SULF2: variants seen among roughly 807,000 people sequenced by gnomAD.
The protein encoded by SULF2 is extracellular sulfatase Sulf-2.
A neutral mutation model predicts 107.7 loss-of-function variants in SULF2; 52 were observed. The ratio of observed to expected loss-of-function variants is 0.48; its 90% CI spans 0.39 to 0.61. The LOEUF is 0.61. SULF2 is among the 20% of genes least tolerant of loss of function. The pLI is 0.00. For synonymous variants in SULF2, 460 were observed against 464.3 expected (o/e 0.99, Z 0.12); for missense variants, 993 against 1,177.3 (o/e 0.84, Z 2.29).
In SULF2 at chr20:47,658,330, CTA is replaced by C. The variant is rs1289228138; in HGVS notation, c.*30_*31del. 5 of 1,612,978 alleles carry C rather than the reference CTA, an allele frequency of 3.1e-6. No individual in the cohort carries two copies. Among genetic ancestry groups the C allele is most frequent in the Non-Finnish European group, 4.2e-6 (5 of 1,179,066 alleles). On this transcript the variant is annotated 3_prime_UTR_variant, in exon 21 of 21. Transcript: ENST00000688720. ...TTGCCTGTGCAGTCAGGTGATGCCT[CTA>C]TGTTTTTGGAGGTCCACCTCTGTTG...
At chr20:47,659,019 A>G (rs1463518936) in intron 20 of SULF2, among the ~76,000 whole-genome samples, 1 of 152,184 alleles carries the variant, frequency 6.6e-6, no homozygotes, top group Non-Finnish European at 1.5e-5. Context: ...AGTTTGTAGC[A>G]TGGGCTTTTT....
At chr20:47,658,490 C>T (rs1483867378) in intron 20 of SULF2, 98 bp from the exon 21 acceptor site, 1 of 1,284,932 alleles carries the variant, frequency 7.8e-7, no homozygotes, top group Non-Finnish European at 1.1e-6. Flanking sequence ...TGCTTCAAGG[C>T]TGCTGAGAAT....
At position 47,678,711 on chromosome 20, in the gene SULF2, G is replaced by T. The variant is rs1274209937; in HGVS notation, c.1158C>A (p.Ile386=). Reference sequence around the variant, plus strand: ...GCCGCTCCGTGTCCAGCAGCTTGAGGATGGATTTCCCGTCCATATCCGCAG... The same window carrying T: ...GCCGCTCCGTGTCCAGCAGCTTGAGTATGGATTTCCCGTCCATATCCGCAG... The part of the protein sequence containing the change: ...DIPADMDGKS[I]LKLLDTERPV... Residue 386 remains isoleucine (I), a synonymous_variant, in exon 8 of 21, where the codon ATC becomes ATA. Transcript: ENST00000688720. This position sits in a 1 kb window ranked among gnomAD's most constrained non-coding sequence, Gnocchi z 4.5. The T allele has an allele frequency of 6.2e-7, 1 of 1,613,894 alleles. No homozygotes were observed. Among genetic ancestry groups the T allele is most frequent in the African/African-American group, 1.3e-5 (1 of 74,920 alleles).
chr20:47,665,844 G>A lies in SULF2; in HGVS notation c.1902+13C>T, dbSNP rs557207212. ...GTGGCCGAGAGCATGCTCCTCTCCC[G>A]CTCTCCACTCACCTCGTGGTCGATG... is the stretch of plus-strand genomic sequence containing the variant. On this transcript the variant is annotated intron_variant, in intron 13 of 20. Coordinates refer to ENST00000688720, the MANE Select transcript of SULF2 (RefSeq NM_001387048.1). 2.4e-5 allele frequency: 38 copies of A among 1,610,964 alleles called. No homozygotes were observed. The highest frequency in any genetic ancestry group is 1.4e-4 in the South Asian group (13 of 91,016).
chr20:47,785,073 C>T (rs2090899626), intron 1 of SULF2, among the ~76,000 whole-genome samples: 1 of 152,026 alleles, frequency 6.6e-6, no homozygotes, highest in South Asian at 2.1e-4. Flanking sequence ...GGGTCAGGGG[C>T]GCGGCGGGAA....
At chr20:47,673,754 G>T (rs550527175) in intron 10 of SULF2, among the ~76,000 whole-genome samples, 47 of 152,228 alleles carry the variant, frequency 3.1e-4, no homozygotes, top group Non-Finnish European at 6.0e-4. Flanking sequence ...AGCGCCTGGG[G>T]GACCTGGGGA....
chr20:47,711,474 A>T (rs2146645583), intron 3 of SULF2, among the ~76,000 whole-genome samples: 1 of 152,364 alleles, frequency 6.6e-6, no homozygotes, highest in Non-Finnish European at 1.5e-5. Context: ...CCAGCAGGAC[A>T]GAAAGCACCC....
chr20:47,664,913 A>C (rs1346985058), intron 14 of SULF2, among the ~76,000 whole-genome samples: 1 of 152,228 alleles, frequency 6.6e-6, no homozygotes, highest in Non-Finnish European at 1.5e-5. Context: ...GATTTCTGAA[A>C]GGGCAATCGG....
intron 2 of SULF2, among the ~76,000 whole-genome samples, chr20:47,754,717 G>A (rs923360836): frequency 1.1e-4 from 17 of 152,172 alleles, no homozygotes; most frequent in Admixed American, 7.2e-4. Flanking sequence ...AACAATATCC[G>A]TAACAGTGAA....
At chr20:47,727,094 G>A (rs1251595808) in intron 3 of SULF2, among the ~76,000 whole-genome samples, 1 of 152,016 alleles carries the variant, frequency 6.6e-6, no homozygotes, top group Non-Finnish European at 1.5e-5. Flanking sequence ...AAAGAAACCA[G>A]CCGTCACGAG....
intron 3 of SULF2, among the ~76,000 whole-genome samples, chr20:47,713,036 G>C (rs900237507): frequency 1.3e-5 from 2 of 152,074 alleles, no homozygotes; most frequent in Admixed American, 6.5e-5. Context: ...GCCAGACCCT[G>C]TCTGGGGGGC....
chr20:47,739,012 G>A (rs1600617139), intron 2 of SULF2, among the ~76,000 whole-genome samples: 1 of 152,174 alleles, frequency 6.6e-6, no homozygotes, highest in East Asian at 1.9e-4. Flanking sequence ...GCAGAGACTG[G>A]AGGGATGCAC....
intron 1 of SULF2, among the ~76,000 whole-genome samples, chr20:47,782,405 G>T (rs1239757219): frequency 1.3e-5 from 2 of 152,208 alleles, no homozygotes; most frequent in African/African-American, 4.8e-5. Context: ...CTGGGCCAGG[G>T]CTGTCTGTAG....
At chr20:47,707,438 C>T (rs1439406714) in intron 3 of SULF2, among the ~76,000 whole-genome samples, 3 of 152,188 alleles carry the variant, frequency 2.0e-5, no homozygotes, top group South Asian at 2.1e-4. Context: ...GGCTCTGGAG[C>T]GGAACTCTCA....
chr20:47,659,047 G>C (rs1049482670), intron 20 of SULF2, among the ~76,000 whole-genome samples: 1 of 152,120 alleles, frequency 6.6e-6, no homozygotes, highest in Non-Finnish European at 1.5e-5. Flanking sequence ...ATTTAATGAG[G>C]CCATCCTACT....
At chr20:47,734,172 GTC>G (rs1377277957) in intron 3 of SULF2, among the ~76,000 whole-genome samples, 2 of 152,170 alleles carry the variant, frequency 1.3e-5, no homozygotes, top group African/African-American at 4.8e-5. Flanking sequence ...TGGAGTCGGA[GTC>G]TCTGACCACT....
At chr20:47,744,350 T>G (rs1044928084) in intron 2 of SULF2, among the ~76,000 whole-genome samples, 4 of 152,022 alleles carry the variant, frequency 2.6e-5, no homozygotes, top group Non-Finnish European at 5.9e-5. Context: ...GCCCAGCTAT[T>G]TTTTTTGGTG....
chr20:47,700,637 C>CTT (rs59966689), intron 4 of SULF2, among the ~76,000 whole-genome samples: 20,644 of 126,104 alleles, frequency 0.16, 2,156 homozygotes, highest in African/African-American at 0.22. Flanking sequence ...GGTGCAACAT[C>CTT]TTTTTTTTTT....
chr20:47,719,460 G>C (rs1215528202), intron 3 of SULF2, among the ~76,000 whole-genome samples: 1 of 152,172 alleles, frequency 6.6e-6, no homozygotes, highest in Non-Finnish European at 1.5e-5. Context: ...GATCGCCCAG[G>C]ATGATGGAAC....
Sources: allele counts gnomAD v4.1 joint callset (sites outside exome capture counted in the v4.1 genomes callset), GRCh38; gene constraint gnomAD v4.1.1; non-coding constraint Gnocchi (gnomAD v3.1); transcripts MANE v1.5; gene names NCBI Gene and HGNC (gene_info 2026-07-23, HGNC 2026-07-21).